The following CR1 variants were observed in gnomAD, a reference collection of about 807,000 sequenced individuals.
The protein encoded by CR1 is complement receptor type 1.
A neutral mutation model predicts 187.3 loss-of-function variants in CR1; 116 were observed. The observed-to-expected ratio is 0.62, with a 90% confidence interval of 0.53 to 0.72. CR1 has a LOEUF of 0.72. Among genes scored for constraint, CR1 ranks in the 30% least tolerant of loss-of-function variants. The pLI is 0.00. For missense variants in CR1, 1,731 were observed against 2,110.7 expected (o/e 0.82, Z 3.52); for synonymous variants, 576 against 747.1 (o/e 0.77, Z 3.73).
chr1:207,502,011 C>T (rs1659285566), intron 1 of CR1, among the ~76,000 whole-genome samples: 1 of 151,924 alleles, frequency 6.6e-6, no homozygotes, highest in African/African-American at 2.4e-5. Context: ...CTAACCTAGA[C>T]CCACTAAATC....
intron 35 of CR1, among the ~76,000 whole-genome samples, chr1:207,605,600 A>C (rs1010378359): frequency 6.6e-6 from 1 of 152,192 alleles, no homozygotes; most frequent in Admixed American, 6.5e-5. Context: ...CACAGCGAGC[A>C]CATCTAAAAC....
rs745913870 is a variant in CR1 at position 207,616,704 on chromosome 1, A to C, written c.6791A>C (p.Asn2264Thr). 6.2e-7 allele frequency: 1 copy of C among 1,613,894 alleles called. No homozygotes were observed. The highest frequency in any genetic ancestry group is 1.7e-5 in the Admixed American group (1 of 60,004). The stretch of plus-strand genomic sequence containing the variant: ...CACCCAGACAGAGGGATGACCTTCA[A>C]CCTCATTGGGGAGAGCTCCATCCGC... ...DTHPDRGMTF[N>T]LIGESSIRCT... is the part of the protein sequence containing the mutation. The change falls in exon 41 of 47, where the codon AAC becomes ACC. Residue 2264 changes from asparagine (N) to threonine (T), a missense_variant. Asn to Thr is a moderately conservative substitution (Grantham distance 65). This residue lies in a region of CR1 where 1,312 missense variants were observed against 1,379.6 expected (regional missense o/e 0.95). Transcript: ENST00000367049.
intron 33 of CR1, among the ~76,000 whole-genome samples, chr1:207,586,124 T>TGTGTG (rs1661104265): frequency 6.7e-6 from 1 of 150,038 alleles, no homozygotes; most frequent in Non-Finnish European, 1.5e-5. Flanking sequence ...TTGTTTTGTT[T>TGTGTG]TGTGTGTGTG....
At chr1:207,583,535 A>G (rs1405194281) in intron 32 of CR1, among the ~76,000 whole-genome samples, 10 of 152,204 alleles carry the variant, frequency 6.6e-5, no homozygotes. Context: ...TTAAAAACAG[A>G]AACACTACTA....
Position 207,620,024 on chromosome 1 carries a change from C to A in CR1, c.7211C>A (p.Ala2404Glu), listed in dbSNP as rs781466248. 6.2e-6 allele frequency: 10 copies of A among 1,613,526 alleles called. No homozygotes were observed. Among genetic ancestry groups the A allele is most frequent in the South Asian group, 2.2e-5 (2 of 90,944 alleles). ...GGCAGTCCCTGGAGCCAGTGCCAGG[C>A]GGATGACAGATGGGACCCTCCTCTG... ...LEGSPWSQCQ[A>E]DDRWDPPLAK... The change falls in exon 43 of 47, where the codon GCG becomes GAG. Residue 2404 changes from alanine (A) to glutamate (E), a missense_variant. Coordinates refer to ENST00000367049, the MANE Select transcript of CR1 (RefSeq NM_000651.6).
chr1:207,513,734 TCCTCCCTC>T (rs1191099009), intron 4 of CR1, among the ~76,000 whole-genome samples: 4 of 58,296 alleles, frequency 6.9e-5, no homozygotes, highest in South Asian at 1.1e-3. Flanking sequence ...CTCCCTCCTT[TCCTCCCTC>T]CCTCCCTCCC....
intron 42 of CR1, 46 bp from the exon 43 acceptor site, chr1:207,619,834 A>G (rs1282153748): frequency 1.3e-6 from 2 of 1,510,310 alleles, no homozygotes; most frequent in Admixed American, 4.2e-5. Context: ...TAAAACGGAC[A>G]ATCAACAATA....
chr1:207,619,407 G>GAAAAAT (rs1662249007), intron 42 of CR1, among the ~76,000 whole-genome samples: 1 of 149,212 alleles, frequency 6.7e-6, no homozygotes, highest in South Asian at 2.1e-4. Flanking sequence ...AAAAGAAAAA[G>GAAAAAT]AAAGAAAGAT....
intron 45 of CR1, among the ~76,000 whole-genome samples, chr1:207,625,796 A>G (rs11579070): frequency 0.48 from 73,268 of 151,902 alleles, 20,342 homozygotes; most frequent in Non-Finnish European, 0.62. Flanking sequence ...ATGAGTCACA[A>G]GTCCAGGTAG....
At chr1:207,620,876 C>A (rs945888369) in intron 43 of CR1, among the ~76,000 whole-genome samples, 1 of 152,066 alleles carries the variant, frequency 6.6e-6, no homozygotes, top group Non-Finnish European at 1.5e-5. Context: ...ATTGGAGAAC[C>A]AACCGTATCA....
intron 35 of CR1, among the ~76,000 whole-genome samples, chr1:207,593,897 A>G (rs1180180252): frequency 2.0e-5 from 3 of 152,240 alleles, no homozygotes; most frequent in Non-Finnish European, 4.4e-5. Flanking sequence ...TCAAAACCAC[A>G]TTGAGATACC....
At chr1:207,582,757 G>C (rs1468601948) in intron 32 of CR1, among the ~76,000 whole-genome samples, 1 of 152,160 alleles carries the variant, frequency 6.6e-6, no homozygotes, top group Non-Finnish European at 1.5e-5. Context: ...GCAGATGACA[G>C]GATTTGGTGA....
At position 207,523,975 on chromosome 1, in the gene CR1, C is replaced by G. The variant is rs1035478491; in HGVS notation, c.852C>G (p.Asn284Lys). ...GPRRVKCQAL[N>K]KWEPELPSCS... ...GCCGTGTGAAGTGCCAGGCCCTGAACAAATGGGAGCCGGAGCTACCAAGCT... is the reference window on the plus strand; with the variant it reads ...GCCGTGTGAAGTGCCAGGCCCTGAAGAAATGGGAGCCGGAGCTACCAAGCT... The change falls in exon 5 of 47, where the codon AAC becomes AAG. Residue 284 changes from asparagine (N) to lysine (K), a missense_variant. By Grantham distance (94) the Asn-to-Lys change is moderately conservative. This residue lies in a region of CR1 where 131 missense variants were observed against 196.8 expected (regional missense o/e 0.67). Coordinates refer to ENST00000367049, the MANE Select transcript of CR1 (RefSeq NM_000651.6). The G allele has an allele frequency of 6.2e-6, 10 of 1,611,658 alleles. No homozygotes were observed. The highest frequency in any genetic ancestry group is 1.3e-5 in the African/African-American group (1 of 74,784).
intron 5 of CR1, among the ~76,000 whole-genome samples, chr1:207,525,961 T>C (rs542745346): frequency 2.2e-4 from 34 of 152,178 alleles, no homozygotes; most frequent in South Asian, 1.0e-3. Context: ...ACCGAAATTA[T>C]TTTTTCCATT....
rs114796225 is a variant in CR1 at position 207,587,330 on chromosome 1, A to C, written c.5531-56A>C. 3.8e-3 allele frequency: 5,430 copies of C among 1,438,900 alleles called. 190 individuals are homozygous for C. In the African/African-American group the frequency reaches 0.068, roughly 18 times the overall value. 89.1% of individuals were successfully genotyped at this position (1,438,900 alleles called of 1,614,324 possible). A position where few individuals can be genotyped will look rare whatever the true frequency, so the allele number is the denominator to read the frequency against. ...ATCAGCTTAATTGAAGAGAAAGAGG[A>C]GGTAGGGTGGAAGTCTCTCTGCTAA... On this transcript the variant is annotated intron_variant, in intron 33 of 46. Coordinates refer to ENST00000367049, the MANE Select transcript of CR1 (RefSeq NM_000651.6).
chr1:207,514,760 T>C (rs1659730953), intron 4 of CR1, among the ~76,000 whole-genome samples: 1 of 152,118 alleles, frequency 6.6e-6, no homozygotes, highest in African/African-American at 2.4e-5. Flanking sequence ...TGTAATGTCC[T>C]TAATAAGATT....
chr1:207,614,548 T>G (rs1225777221), intron 40 of CR1, 59 bp downstream of exon 40: 3 of 1,351,314 alleles, frequency 2.2e-6, no homozygotes, highest in Non-Finnish European at 3.1e-6. Flanking sequence ...TTCCAGCATG[T>G]TTTTCCGCAT....
At position 207,523,687 on chromosome 1, in the gene CR1, A is replaced by G; in HGVS notation, c.564A>G (p.Gly188=). Residue 188 remains glycine, a synonymous_variant, in exon 5 of 47, where the codon GGA becomes GGG. Transcript: ENST00000367049. The part of the protein sequence containing the change: ...ISTNRENFHY[G]SVVTYRCNPG... ...CCAACAGAGAGAATTTTCACTATGGATCAGTGGTGACCTACCGCTGCAATC... is the reference window on the plus strand; with the variant it reads ...CCAACAGAGAGAATTTTCACTATGGGTCAGTGGTGACCTACCGCTGCAATC... 2.5e-6 allele frequency: 4 copies of G among 1,613,740 alleles called. No homozygotes were observed. The highest frequency in any genetic ancestry group is 3.4e-6 in the Non-Finnish European group (4 of 1,179,890).
In CR1 at chr1:207,641,268, T is replaced by C. The variant is rs1265577902; in HGVS notation, c.*1859T>C. On this transcript the variant is annotated 3_prime_UTR_variant, in exon 47 of 47. Coordinates refer to ENST00000367049, the MANE Select transcript of CR1 (RefSeq NM_000651.6). ...AATTTCCCATTACAAGAAAAAAAAA[T>C]CCTGTGTTCTTTTTTTTTTCCAGAA... 6.6e-6 allele frequency: 1 copy of C among 151,872 alleles called. No individual in the cohort carries two copies. The highest frequency in any genetic ancestry group is 6.6e-5 in the Admixed American group (1 of 15,262). The allele number at this position is 151,872 out of a possible 1,614,324, so 9.4% of individuals were successfully genotyped here.
Sources: gnomAD v4.1 joint callset for allele counts (sites outside exome capture counted in the v4.1 genomes callset) on GRCh38, gnomAD v4.1.1 for gene constraint, gnomAD v4.1.1 regional missense constraint, MANE v1.5 for transcripts, NCBI Gene and HGNC (gene_info 2026-07-23, HGNC 2026-07-21) for gene names.